Variants in IGDCC4 observed in about 807,000 individuals in gnomAD.
The protein encoded by IGDCC4 is likely ortholog of mouse neighbor of Punc E11.
IGDCC4 carries 72 observed loss-of-function variants against 116.6 expected under a neutral mutation model. The ratio of observed to expected loss-of-function variants is 0.62; its 90% CI spans 0.51 to 0.75. The LOEUF is 0.75. IGDCC4 is among the 30% of genes least tolerant of loss of function. IGDCC4 has a pLI of 0.00. For missense variants in IGDCC4, 1,501 were observed against 1,662.4 expected (o/e 0.90, Z 1.69); for synonymous variants, 709 against 719.9 (o/e 0.98, Z 0.24).
At chr15:65,415,590 A>C (rs1456619508) in intron 1 of IGDCC4, among the ~76,000 whole-genome samples, 2 of 152,214 alleles carry the variant, frequency 1.3e-5, no homozygotes, top group Admixed American at 6.5e-5. Context: ...TTTTAGTGGA[A>C]ACGTCTGTGA....
At chr15:65,421,075 G>A (rs905420306) in intron 1 of IGDCC4, among the ~76,000 whole-genome samples, 1 of 152,166 alleles carries the variant, frequency 6.6e-6, no homozygotes, top group Non-Finnish European at 1.5e-5. Context: ...AGTGTCCCCC[G>A]GCCTGCTGAG....
chr15:65,407,204 C>T (rs2063048172), intron 3 of IGDCC4, among the ~76,000 whole-genome samples: 1 of 151,172 alleles, frequency 6.6e-6, no homozygotes, highest in Admixed American at 6.6e-5. Context: ...CCTACCATAT[C>T]CATATGTACA....
At position 65,395,251 on chromosome 15, in the gene IGDCC4, G is replaced by T; in HGVS notation, c.1419C>A (p.Asp473Glu). Residue 473 changes from aspartate to glutamate, a missense_variant, in exon 8 of 20, where the codon GAC becomes GAA. By Grantham distance (45) the Asp-to-Glu change is conservative. This residue lies in a region of IGDCC4 where 898 missense variants were observed against 978.9 expected (regional missense o/e 0.92). Coordinates refer to ENST00000352385, the MANE Select transcript of IGDCC4 (RefSeq NM_020962.3). ...TCACTGCAAACTGGTATTCCACATT[G>T]TCCATGCCTGGTGACACGGGGGACA... ...SLHYQKARGM[D>E]NVEYQFAVNN... 1 of 1,611,284 alleles carries T rather than the reference G, an allele frequency of 6.2e-7. No individual in the cohort carries two copies. The highest frequency in any genetic ancestry group is 8.5e-7 in the Non-Finnish European group (1 of 1,177,818).
In IGDCC4 at chr15:65,394,516, T is replaced by C; in HGVS notation, c.1609A>G (p.Ser537Gly). 2 of 1,611,892 alleles carry C rather than the reference T, an allele frequency of 1.2e-6. No homozygotes were observed. Among genetic ancestry groups the C allele is most frequent in the Non-Finnish European group, 8.5e-7 (1 of 1,178,748 alleles). Reference sequence around the variant, plus strand: ...ACCCTGATGTCCGAAGGGTTGGGGCTGGACAGGGAGAGCTGGGGTGCTGCA... The same window carrying C: ...ACCCTGATGTCCGAAGGGTTGGGGCCGGACAGGGAGAGCTGGGGTGCTGCA... ...PSAAPQLSLSSPNPSDIRVAW... is the reference protein window; with the variant it reads ...PSAAPQLSLSGPNPSDIRVAW... Residue 537 changes from serine (S) to glycine (G), a missense_variant, in exon 9 of 20, where the codon AGC (serine) becomes GGC (glycine). Ser to Gly is a moderately conservative substitution (Grantham distance 56). This residue lies in a region of IGDCC4 where 898 missense variants were observed against 978.9 expected (regional missense o/e 0.92). Coordinates refer to ENST00000352385, the MANE Select transcript of IGDCC4 (RefSeq NM_020962.3).
At chr15:65,401,136 G>T (rs936200823) in intron 4 of IGDCC4, among the ~76,000 whole-genome samples, 190 bp from the exon 5 acceptor site, 1 of 152,182 alleles carries the variant, frequency 6.6e-6, no homozygotes, top group Non-Finnish European at 1.5e-5. Context: ...TTCTTTTAGA[G>T]CCAGAAGAAT....
chr15:65,396,311 A>C, intron 6 of IGDCC4, 148 bp from the exon 7 acceptor site: 24 of 801,842 alleles, frequency 3.0e-5, no homozygotes, highest in Non-Finnish European at 4.1e-5. Flanking sequence ...TTTCCAAACT[A>C]CTCCGGCTCA....
rs1435214742 is a variant in IGDCC4 at position 65,412,476 on chromosome 15, C to T, written c.71-1106G>A. Among the ~76,000 whole-genome samples, 3 of 139,468 alleles carry T rather than the reference C, an allele frequency of 2.2e-5. No homozygotes were observed. The East Asian group carries it at 6.4e-4, about 30-fold the overall frequency. The allele number at this position is 139,468 out of a possible 152,430, so 91.5% of individuals were successfully genotyped here. On this transcript the variant is annotated intron_variant, in intron 1 of 19. Coordinates refer to ENST00000352385, the MANE Select transcript of IGDCC4 (RefSeq NM_020962.3). ...GCAGTGAGCCGAGATCGCCCCATTG[C>T]ACTCCAGCCTGGGTGACAGAATGAG...
Position 65,422,643 on chromosome 15 carries a change from C to T in IGDCC4, c.70+150G>A, listed in dbSNP as rs192725533. On this transcript the variant is annotated intron_variant, in intron 1 of 19. Transcript: ENST00000352385. ...GCCCCCCGGCCGCAGCTCGCAGACC[C>T]CCGCGCAGGCATCGCGGGCACCTGG... 2.0e-3 allele frequency: 1,036 copies of T among 506,080 alleles called. 14 individuals are homozygous for T. Among genetic ancestry groups the T allele is most frequent in the African/African-American group, 0.02 (981 of 48,052 alleles). The allele number at this position is 506,080 out of a possible 1,614,324, so 31.3% of individuals were successfully genotyped here.
chr15:65,422,664 C>A, intron 1 of IGDCC4, 129 bp downstream of exon 1: 1 of 692,204 alleles, frequency 1.4e-6, no homozygotes, highest in South Asian at 3.6e-5. Context: ...ATCGCGGGCA[C>A]CTGGACGCGC....
chr15:65,396,746 C>T (rs886142022), intron 6 of IGDCC4, 88 bp downstream of exon 6: 1 of 1,485,808 alleles, frequency 6.7e-7, no homozygotes, highest in African/African-American at 1.4e-5. Context: ...GCCTGAGTGC[C>T]CCCAGCACAC....
At chr15:65,385,688 C>A in intron 18 of IGDCC4, 143 bp downstream of exon 18, 1 of 748,708 alleles carries the variant, frequency 1.3e-6, no homozygotes. Context: ...GCCAACCATT[C>A]CGTGGAGGAG....
chr15:65,410,252 C>T lies in IGDCC4; in HGVS notation c.489G>A (p.Glu163=), dbSNP rs755036865. The T allele has an allele frequency of 1.9e-6, 3 of 1,614,066 alleles. No homozygotes were observed. Among genetic ancestry groups the T allele is most frequent in the Non-Finnish European group, 2.5e-6 (3 of 1,180,024 alleles). Reference sequence around the variant, plus strand: ...GAGCTGGCAGCCCTTCAATGTGGCACTCAAAGCGAGCTGTCCCGTTCTCCT... The same window carrying T: ...GAGCTGGCAGCCCTTCAATGTGGCATTCAAAGCGAGCTGTCCCGTTCTCCT... ...TVEENGTARF[E]CHIEGLPAPI... The change falls in exon 3 of 20, where the codon GAG becomes GAA. Residue 163 remains glutamate, a synonymous_variant. Transcript: ENST00000352385.
At chr15:65,406,638 C>G (rs902518197) in intron 3 of IGDCC4, among the ~76,000 whole-genome samples, 3 of 152,214 alleles carry the variant, frequency 2.0e-5, no homozygotes, top group Non-Finnish European at 4.4e-5. Context: ...TGTGCATGCA[C>G]TATATCTGGG....
chr15:65,410,928 G>A lies in IGDCC4; in HGVS notation c.421+92C>T, dbSNP rs1234815294. ...AAAGGGGGAGTGGGATCAAGAGAGA[G>A]GCATTTGTGCAAGTAACTAACTGCA... On this transcript the variant is annotated intron_variant, in intron 2 of 19. Transcript: ENST00000352385. 4.1e-6 allele frequency: 4 copies of A among 981,758 alleles called. No individual in the cohort carries two copies. The African/African-American group carries it at 4.9e-5, about 12-fold the overall frequency. The allele number at this position is 981,758 out of a possible 1,614,324, so 60.8% of individuals were successfully genotyped here. A position where few individuals can be genotyped will look rare whatever the true frequency, so the allele number is the denominator to read the frequency against.
chr15:65,400,542 A>T (rs1009985196), intron 5 of IGDCC4, among the ~76,000 whole-genome samples: 3 of 152,178 alleles, frequency 2.0e-5, no homozygotes, highest in African/African-American at 7.2e-5. Context: ...TGGCCTCAGG[A>T]GGGCTGCAAT....
At chr15:65,405,520 A>T (rs2063032994) in intron 3 of IGDCC4, among the ~76,000 whole-genome samples, 2 of 152,180 alleles carry the variant, frequency 1.3e-5, no homozygotes, top group Admixed American at 6.6e-5. Flanking sequence ...CATTTGAAAA[A>T]TGGGTTAAAT....
intron 1 of IGDCC4, among the ~76,000 whole-genome samples, chr15:65,420,703 T>C (rs770942973): frequency 6.6e-6 from 1 of 151,630 alleles, no homozygotes; most frequent in Non-Finnish European, 1.5e-5. Flanking sequence ...CTCAACTAAA[T>C]CACCTCTGAA....
At chr15:65,385,702 G>A (rs2091448428) in intron 18 of IGDCC4, 129 bp downstream of exon 18, 12 of 790,724 alleles carry the variant, frequency 1.5e-5, no homozygotes, top group Non-Finnish European at 2.0e-5. Flanking sequence ...GGAGGAGGGA[G>A]AGAGGCCCTA....
Position 65,396,121 on chromosome 15 carries a change from G to C in IGDCC4, c.1040C>G (p.Thr347Arg). The C allele has an allele frequency of 2.7e-6, 4 of 1,455,060 alleles. No homozygotes were observed. Among genetic ancestry groups the C allele is most frequent in the Non-Finnish European group, 3.6e-6 (4 of 1,110,704 alleles). The allele number at this position is 1,455,060 out of a possible 1,614,324, so 90.1% of individuals were successfully genotyped here. Residue 347 changes from threonine to arginine, a missense_variant, in exon 7 of 20, where the codon ACG becomes AGG. By Grantham distance (71) the Thr-to-Arg change is moderately conservative (BLOSUM62 -1). Transcript: ENST00000352385. ...CACGAAGCGCGCTGTGCTCGCCCGCGTCCGCGACAGCGCCTCGGGCGCCTG... is the reference window on the plus strand; with the variant it reads ...CACGAAGCGCGCTGTGCTCGCCCGCCTCCGCGACAGCGCCTCGGGCGCCTG... ...ITQAPEALSR[T>R]RASTARFVCR...
Sources: allele counts gnomAD v4.1 joint callset (sites outside exome capture counted in the v4.1 genomes callset), GRCh38; gene constraint gnomAD v4.1.1; regional missense constraint gnomAD v4.1.1; transcripts MANE v1.5; gene names NCBI Gene and HGNC (gene_info 2026-07-23, HGNC 2026-07-21).